EYS: variants seen among roughly 807,000 people sequenced by gnomAD.
EYS encodes the protein protein eyes shut homolog.
Under a neutral mutation model 282.1 loss-of-function variants are expected in EYS, and 250 were observed. The ratio of observed to expected loss-of-function variants is 0.89; its 90% CI spans 0.80 to 0.98. EYS has a LOEUF of 0.98. Among genes scored for constraint, EYS ranks in the 50% least tolerant of loss-of-function variants. The pLI, the probability that EYS is intolerant of heterozygous loss-of-function variation, is 0.00. For synonymous variants in EYS, 1,355 were observed against 1,282.9 expected (o/e 1.06, Z -1.20); for missense variants, 4,016 against 3,709.0 (o/e 1.08, Z -2.15).
At chr6:64,975,484 T>G (rs1052738424) in intron 14 of EYS, among the ~76,000 whole-genome samples, 1 of 151,860 alleles carries the variant, frequency 6.6e-6, no homozygotes, top group African/African-American at 2.4e-5. Context: ...AAAAAAGTTT[T>G]TGCATTGTAG....
chr6:63,826,284 T>G (rs1447026832), intron 36 of EYS, among the ~76,000 whole-genome samples: 1 of 152,102 alleles, frequency 6.6e-6, no homozygotes, highest in Admixed American at 6.5e-5. Context: ...TCCTGAGGAA[T>G]AAAAGAATTC....
At chr6:64,275,809 T>TC (rs1316277472) in intron 30 of EYS, among the ~76,000 whole-genome samples, 15 of 66,458 alleles carry the variant, frequency 2.3e-4, no homozygotes, top group Admixed American at 1.1e-3. Flanking sequence ...TAAAATAAAA[T>TC]AAAAAAATAG....
At chr6:65,129,481 C>T (rs1315637970) in intron 12 of EYS, among the ~76,000 whole-genome samples, 1 of 151,836 alleles carries the variant, frequency 6.6e-6, no homozygotes, top group East Asian at 1.9e-4. Context: ...AATCAAATAA[C>T]CCCATTAAAA....
chr6:65,455,239 C>T lies in EYS; in HGVS notation c.862+35355G>A, dbSNP rs567301063. Reference sequence around the variant, plus strand: ...TCCTTCTTGGTTAAGTTGATTCTTACATATCTTATTTTTTATAGCTGTTGC... The same window carrying T: ...TCCTTCTTGGTTAAGTTGATTCTTATATATCTTATTTTTTATAGCTGTTGC... On this transcript the variant is annotated intron_variant, in intron 5 of 42. Coordinates refer to ENST00000503581, the MANE Select transcript of EYS (RefSeq NM_001142800.2). Among the ~76,000 whole-genome samples the T allele has an allele frequency of 7.2e-4, 110 of 152,138 alleles. 1 individual carries two copies. The highest frequency in any genetic ancestry group is 1.3e-3 in the Non-Finnish European group (91 of 67,974).
intron 31 of EYS, among the ~76,000 whole-genome samples, chr6:64,158,098 T>C (rs1774988843): frequency 6.6e-6 from 1 of 152,216 alleles, no homozygotes. Flanking sequence ...TGCATCAGTG[T>C]GACCTGGATG....
chr6:64,968,228 A>T (rs1022007673), intron 14 of EYS, among the ~76,000 whole-genome samples: 1 of 152,348 alleles, frequency 6.6e-6, no homozygotes. Flanking sequence ...AAAAAAATGT[A>T]TATAAAACAC....
intron 26 of EYS, among the ~76,000 whole-genome samples, chr6:64,508,192 CA>C (rs991000185): frequency 9.9e-5 from 15 of 151,914 alleles, no homozygotes; most frequent in African/African-American, 3.4e-4. Flanking sequence ...GGCATGTGGC[CA>C]AAAAACTATA....
At chr6:64,037,400 A>G (rs1278372984) in intron 33 of EYS, among the ~76,000 whole-genome samples, 1 of 152,244 alleles carries the variant, frequency 6.6e-6, no homozygotes, top group Non-Finnish European at 1.5e-5. Flanking sequence ...AACAAATTTC[A>G]TGAATATTAA....
intron 29 of EYS, among the ~76,000 whole-genome samples, chr6:64,378,857 A>C (rs1772651345): frequency 6.6e-6 from 1 of 152,170 alleles, no homozygotes; most frequent in South Asian, 2.1e-4. Flanking sequence ...CATGGAGAAA[A>C]TGGAGCATAT....
At chr6:65,267,954 A>AAC (rs912564560) in intron 12 of EYS, among the ~76,000 whole-genome samples, 51 of 151,382 alleles carry the variant, frequency 3.4e-4, no homozygotes, top group African/African-American at 1.1e-3. Flanking sequence ...CTCCCCTCTA[A>AAC]ACACACACAC....
intron 5 of EYS, 159 bp downstream of exon 5, chr6:65,490,435 A>C: frequency 1.8e-6 from 1 of 555,572 alleles, no homozygotes; most frequent in Non-Finnish European, 3.3e-6. Flanking sequence ...TGTATTAACC[A>C]AATTGATTTA....
At chr6:63,923,179 A>AT (rs536729830) in intron 35 of EYS, among the ~76,000 whole-genome samples, 12 of 152,206 alleles carry the variant, frequency 7.9e-5, no homozygotes, top group African/African-American at 2.9e-4. Context: ...TTGTACTTTT[A>AT]TTTTTTTAGT....
At chr6:64,686,777 A>ATGTGTG (rs1402404502) in intron 22 of EYS, among the ~76,000 whole-genome samples, 2 of 21,334 alleles carry the variant, frequency 9.4e-5, no homozygotes, top group African/African-American at 1.9e-4. Flanking sequence ...GTATATATAT[A>ATGTGTG]TATATATATA....
At chr6:65,695,881 A>G (rs888841481) in intron 1 of EYS, among the ~76,000 whole-genome samples, 3 of 152,020 alleles carry the variant, frequency 2.0e-5, no homozygotes, top group Admixed American at 2.0e-4. Flanking sequence ...ATACAGAAAC[A>G]TACATGGTTC....
chr6:65,018,687 T>TTTGG (rs1441964128), intron 13 of EYS, among the ~76,000 whole-genome samples: 3 of 152,114 alleles, frequency 2.0e-5, no homozygotes, highest in Non-Finnish European at 2.9e-5. Flanking sequence ...GTTTTTGTTT[T>TTTGG]TTGGTTTGTT....
intron 33 of EYS, among the ~76,000 whole-genome samples, chr6:64,057,281 A>G (rs1771016953): frequency 1.3e-5 from 2 of 152,206 alleles, no homozygotes; most frequent in South Asian, 4.1e-4. Context: ...ATTTATATCA[A>G]CATATACCTA....
At position 64,908,240 on chromosome 6, in the gene EYS, C is replaced by A. The variant is rs139553320; in HGVS notation, c.2641+4244G>T. ...CCAGCAAGTGCAGGACCTGGCTGGCCACTCCAGATGCCGAAACAGGAGCAA... is the reference window on the plus strand; with the variant it reads ...CCAGCAAGTGCAGGACCTGGCTGGCAACTCCAGATGCCGAAACAGGAGCAA... On this transcript the variant is annotated intron_variant, in intron 16 of 42. Coordinates refer to ENST00000503581, the MANE Select transcript of EYS (RefSeq NM_001142800.2). 3.4e-3 allele frequency among the ~76,000 whole-genome samples: 517 copies of A among 152,170 alleles called. 4 individuals carry two copies. Among genetic ancestry groups the A allele is most frequent in the African/African-American group, 0.012 (496 of 41,538 alleles).
intron 14 of EYS, among the ~76,000 whole-genome samples, chr6:64,962,622 C>A (rs1402675081): frequency 1.3e-5 from 2 of 151,764 alleles, no homozygotes; most frequent in Non-Finnish European, 2.9e-5. Context: ...TGCCTGTAGT[C>A]CCAGATACTC....
intron 15 of EYS, among the ~76,000 whole-genome samples, chr6:64,929,572 T>G (rs2150086207): frequency 6.6e-6 from 1 of 152,268 alleles, no homozygotes; most frequent in Non-Finnish European, 1.5e-5. Flanking sequence ...GGCCTATTTG[T>G]ACAATAATTA....
Sources: allele counts gnomAD v4.1 joint callset (sites outside exome capture counted in the v4.1 genomes callset), GRCh38; gene constraint gnomAD v4.1.1; transcripts MANE v1.5; gene names NCBI Gene and HGNC (gene_info 2026-07-23, HGNC 2026-07-21).